HAS3: variants seen among roughly 807,000 people sequenced by gnomAD.
HAS3 encodes the protein HA synthase 3.
In HAS3, 27 loss-of-function variants were observed where a neutral mutation model predicts 50.3. That is an observed-to-expected ratio of 0.54 (90% confidence interval 0.40 to 0.74). The LOEUF (loss-of-function observed/expected upper bound fraction) is 0.74, where lower values mean the gene tolerates loss of function less well. Among genes scored for constraint, HAS3 ranks in the 30% least tolerant of loss-of-function variants. The pLI is 0.00. For missense variants in HAS3, 517 were observed against 742.8 expected (o/e 0.70, Z 3.53); for synonymous variants, 339 against 310.9 (o/e 1.09, Z -0.95).
At position 69,109,819 on chromosome 16, in the gene HAS3, G is replaced by A. The variant is rs577714323; in HGVS notation, c.424G>A (p.Gly142Ser). The change falls in exon 2 of 4, where the codon GGC becomes AGC. Residue 142 changes from glycine (G) to serine (S), a missense_variant. Physicochemically the swap from Gly to Ser is moderately conservative, Grantham distance 56. Coordinates refer to ENST00000569188, the MANE Select transcript of HAS3 (RefSeq NM_001199280.2). This position sits in a 1 kb window ranked among gnomAD's most constrained non-coding sequence, Gnocchi z 5.3. ...MLDIFHEVLG[G>S]TEQAGFFVWR... The stretch of plus-strand genomic sequence containing the variant: ...GGACATCTTCCACGAGGTGCTGGGC[G>A]GCACCGAGCAGGCCGGCTTCTTTGT... 132 of 1,612,582 alleles carry A rather than the reference G, an allele frequency of 8.2e-5. 1 individual carries two copies. The South Asian group carries it at 1.2e-3, about 15-fold the overall frequency.
At chr16:69,097,293 G>A in the HAS3 span, among the ~76,000 whole-genome samples, 2 of 152,034 alleles carry the variant, frequency 1.3e-5, no homozygotes, top group South Asian at 4.2e-4. Flanking sequence ...TGGCCAAGAT[G>A]GTGAAACCCC....
rs1247850859 is a variant in HAS3, at chr16:69,115,193, T to C, written c.1589T>C (p.Leu530Pro). ...YGCYWVALLM[L>P]YLAIIARRCG... The stretch of plus-strand genomic sequence containing the variant: ...TGCTACTGGGTGGCCCTCCTCATGC[T>C]ATATCTGGCCATCATCGCCCGGCGA... Residue 530 changes from leucine (L) to proline (P), a missense_variant, in exon 4 of 4, where the codon CTA becomes CCA. By Grantham distance (98) the Leu-to-Pro change is moderately conservative. Coordinates refer to ENST00000569188, the MANE Select transcript of HAS3 (RefSeq NM_001199280.2). 1 of 1,572,946 alleles carries C rather than the reference T, an allele frequency of 6.4e-7. No homozygotes were observed.
chr16:69,092,037 C>G, the HAS3 span, among the ~76,000 whole-genome samples: 1 of 152,240 alleles, frequency 6.6e-6, no homozygotes, highest in Non-Finnish European at 1.5e-5. Context: ...TTATTATGCC[C>G]TTCTGTGTAC....
At position 69,109,535 on chromosome 16, in the gene HAS3, T is replaced by C. The variant is rs1960921752; in HGVS notation, c.140T>C (p.Leu47Pro). The stretch of plus-strand genomic sequence containing the variant: ...GAAAAGCACTACCTGTCCTTCGGCC[T>C]GTACGGCGCCATCCTGGGCCTGCAC... ...HTEKHYLSFG[L>P]YGAILGLHLL... is the part of the protein sequence containing the mutation. The change falls in exon 2 of 4, where the codon CTG becomes CCG. Residue 47 changes from leucine (L) to proline (P), a missense_variant. Leu to Pro is a moderately conservative substitution (Grantham distance 98). Transcript: ENST00000569188. This position sits in a 1 kb window ranked among gnomAD's most constrained non-coding sequence, Gnocchi z 5.3. 6.2e-7 allele frequency: 1 copy of C among 1,613,896 alleles called. No individual in the cohort carries two copies. The highest frequency in any genetic ancestry group is 1.7e-5 in the Admixed American group (1 of 60,014).
chr16:69,088,011 C>A, the HAS3 span, among the ~76,000 whole-genome samples: 1 of 151,942 alleles, frequency 6.6e-6, no homozygotes, highest in East Asian at 1.9e-4. Flanking sequence ...GCCCTTGCTT[C>A]GTTTGTTCAC....
chr16:69,088,126 G>A, the HAS3 span, among the ~76,000 whole-genome samples: 2 of 152,096 alleles, frequency 1.3e-5, no homozygotes, highest in East Asian at 1.9e-4. Context: ...CACAAGCAAC[G>A]ACAACGATTT....
chr16:69,118,153 AT>A, downstream of HAS3: 2 of 394,616 alleles, frequency 5.1e-6, no homozygotes, highest in Non-Finnish European at 8.7e-6. Context: ...CCATATTCCC[AT>A]CCACATCAGT....
chr16:69,107,425 G>A lies in HAS3; in HGVS notation c.-1+1638G>A. 1 of 985,560 alleles carries A rather than the reference G, an allele frequency of 1.0e-6. No homozygotes were observed. The allele number at this position is 985,560 out of a possible 1,614,324, so 61.1% of individuals were successfully genotyped here. A position where few individuals can be genotyped will look rare whatever the true frequency, so the allele number is the denominator to read the frequency against. Reference sequence around the variant, plus strand: ...GGAAGAGCAGGGCCTGGTCCGACTGGGATCCCTTGGGTTTTCCGTTCCTTC... The same window carrying A: ...GGAAGAGCAGGGCCTGGTCCGACTGAGATCCCTTGGGTTTTCCGTTCCTTC... On this transcript the variant is annotated intron_variant, in intron 1 of 3. Transcript: ENST00000569188. The surrounding 1 kb of genome is among the most constrained non-coding windows in gnomAD (Gnocchi z 5.5).
upstream of HAS3, among the ~76,000 whole-genome samples, chr16:69,100,908 G>C (rs899333989): frequency 6.6e-6 from 1 of 152,068 alleles, no homozygotes; most frequent in African/African-American, 2.4e-5. Flanking sequence ...TATTCCTGGC[G>C]TGCAAGGCAC....
At chr16:69,110,916 G>T (rs1031326346) in intron 2 of HAS3, among the ~76,000 whole-genome samples, 1 of 152,114 alleles carries the variant, frequency 6.6e-6, no homozygotes, top group African/African-American at 2.4e-5. Context: ...GTCATGTCTG[G>T]GCGGTGAGAG....
intron 2 of HAS3, among the ~76,000 whole-genome samples, 187 bp downstream of exon 2, chr16:69,110,218 G>A (rs1368928796): frequency 3.3e-5 from 5 of 152,152 alleles, no homozygotes; most frequent in East Asian, 1.9e-4. Flanking sequence ...TTGGGGGGCC[G>A]AGGCGGGTGG....
the HAS3 span, chr16:69,085,000 G>A: frequency 6.6e-6 from 1 of 152,464 alleles, no homozygotes; most frequent in East Asian, 1.9e-4. Flanking sequence ...CAGAGAGTTA[G>A]AACAAATCTA....
chr16:69,092,772 A>C, the HAS3 span, among the ~76,000 whole-genome samples: 31 of 152,210 alleles, frequency 2.0e-4, 1 homozygote, highest in South Asian at 2.9e-3. Flanking sequence ...TGGCAGAAGG[A>C]TCATTTGAGC....
chr16:69,114,312 T>C lies in HAS3; in HGVS notation c.739-31T>C. The C allele has an allele frequency of 6.4e-7, 1 of 1,559,150 alleles. No individual in the cohort carries two copies. Among genetic ancestry groups the C allele is most frequent in the South Asian group, 1.2e-5 (1 of 84,398 alleles). The stretch of plus-strand genomic sequence containing the variant: ...TGTCTGTCCTCCGGACGTGCAACCT[T>C]AGGAGGCCCAGCATCTCTATTCCCT... On this transcript the variant is annotated intron_variant, in intron 3 of 3. Coordinates refer to ENST00000569188, the MANE Select transcript of HAS3 (RefSeq NM_001199280.2). The surrounding 1 kb of genome is among the most constrained non-coding windows in gnomAD (Gnocchi z 6.4).
chr16:69,103,483 C>T (rs1474003682), upstream of HAS3, among the ~76,000 whole-genome samples: 1 of 152,140 alleles, frequency 6.6e-6, no homozygotes, highest in African/African-American at 2.4e-5. Context: ...GCAACCTCTG[C>T]TTCCTGGGTT....
chr16:69,088,904 A>G, the HAS3 span, among the ~76,000 whole-genome samples: 1 of 152,178 alleles, frequency 6.6e-6, no homozygotes, highest in South Asian at 2.1e-4. Flanking sequence ...CCTGGGCAGC[A>G]GAGTGAGACC....
At position 69,116,106 on chromosome 16, in the gene HAS3, A is replaced by C. The variant is rs778005118; in HGVS notation, c.*840A>C. 729 of 985,296 alleles carry C rather than the reference A, an allele frequency of 7.4e-4. No individual in the cohort carries two copies. The highest frequency in any genetic ancestry group is 8.2e-4 in the Non-Finnish European group (684 of 829,924). The allele number at this position is 985,296 out of a possible 1,614,324, so 61.0% of individuals were successfully genotyped here. A position where few individuals can be genotyped will look rare whatever the true frequency, so the allele number is the denominator to read the frequency against. On this transcript the variant is annotated 3_prime_UTR_variant, in exon 4 of 4. Transcript: ENST00000569188. ...TAAGCCCCAACATGTTCAGAAAAGA[A>C]GTGAAGTCTTGGGTATTTTAACCTG...
the HAS3 span, among the ~76,000 whole-genome samples, chr16:69,100,573 A>G: frequency 6.6e-6 from 1 of 152,254 alleles, no homozygotes; most frequent in South Asian, 2.1e-4. Flanking sequence ...GGGGCAGCCT[A>G]TAGAGCTTGG....
chr16:69,109,283 T>C lies in HAS3; in HGVS notation c.1-113T>C. ...ACCAAGTCTTATGCTCAGTAAGCGG[T>C]AACGGTTTTGATCAGTGGGTCATGT... On this transcript the variant is annotated intron_variant, in intron 1 of 3. Transcript: ENST00000569188. This position sits in a 1 kb window ranked among gnomAD's most constrained non-coding sequence, Gnocchi z 5.3. 9.3e-7 allele frequency: 1 copy of C among 1,078,398 alleles called. No individual in the cohort carries two copies. The highest frequency in any genetic ancestry group is 1.6e-5 in the South Asian group (1 of 62,970). The allele number at this position is 1,078,398 out of a possible 1,614,324, so 66.8% of individuals were successfully genotyped here.
Sources: gnomAD v4.1 joint callset for allele counts (sites outside exome capture counted in the v4.1 genomes callset) on GRCh38, gnomAD v4.1.1 for gene constraint, Gnocchi (gnomAD v3.1) non-coding constraint, MANE v1.5 for transcripts, NCBI Gene and HGNC (gene_info 2026-07-23, HGNC 2026-07-21) for gene names.